PPP1R26: variants seen among roughly 807,000 people sequenced by gnomAD.
The protein encoded by PPP1R26 is protein phosphatase 1 regulatory subunit 26.
In PPP1R26, 22 loss-of-function variants were observed where a neutral mutation model predicts 67.6. That is an observed-to-expected ratio of 0.33 (90% CI 0.23 to 0.46). The LOEUF is 0.46. PPP1R26 is among the 20% of genes least tolerant of loss of function. The pLI is 1.00. For missense variants in PPP1R26, 1,602 were observed against 1,651.4 expected, an observed-to-expected ratio of 0.97 and a Z score of 0.52; for synonymous variants, 729 against 717.2, an observed-to-expected ratio of 1.02 and a Z score of -0.26.
intron 1 of PPP1R26, among the ~76,000 whole-genome samples, chr9:135,482,046 C>T (rs1025891856): frequency 1.4e-4 from 21 of 152,180 alleles, no homozygotes; most frequent in African/African-American, 5.1e-4. Context: ...GACTATTTCC[C>T]CAGGAAAACT....
rs1029751088 is a variant in PPP1R26, at chr9:135,487,749, C to A, written c.3239C>A (p.Pro1080Gln). ...AGCCTGCCCCTTGCGGGCTTCTCGC[C>A]GCTGCTGTCCACCCAGCTCTTCCAC... ...LPSLPLAGFS[P>Q]LLSTQLFHFG... The change falls in exon 4 of 4, where the codon CCG (proline) becomes CAG (glutamine). Residue 1080 changes from proline to glutamine, a missense_variant. Pro to Gln is a moderately conservative substitution (Grantham distance 76, BLOSUM62 -1). This residue lies in a region of PPP1R26 where 740 missense variants were observed against 696.3 expected (regional missense o/e 1.06). Coordinates refer to ENST00000356818, the MANE Select transcript of PPP1R26 (RefSeq NM_014811.5). The A allele has an allele frequency of 1.4e-6, 2 of 1,470,660 alleles. No individual in the cohort carries two copies. The highest frequency in any genetic ancestry group is 2.8e-5 in the South Asian group (2 of 70,926). 91.1% of individuals were successfully genotyped at this position (1,470,660 alleles called of 1,614,324 possible).
chr9:135,484,134 A>C, intron 3 of PPP1R26, 52 bp downstream of exon 3: 1 of 415,602 alleles, frequency 2.4e-6, no homozygotes. Flanking sequence ...CGGAGTGAGA[A>C]GGGAAGAGCG....
Position 135,485,131 on chromosome 9 carries a change from C to T in PPP1R26, c.621C>T (p.Asp207=), listed in dbSNP as rs1442733586. The T allele has an allele frequency of 6.2e-7, 1 of 1,612,782 alleles. No individual in the cohort carries two copies. Among genetic ancestry groups the T allele is most frequent in the Admixed American group, 1.7e-5 (1 of 60,006 alleles). ...GPGSQVGSSK[D]QGSASPVSVS... ...GCAGCCAGGTGGGATCCAGCAAGGA[C>T]CAGGGCTCCGCCTCCCCGGTCAGTG... The change falls in exon 4 of 4, where the codon GAC becomes GAT. Residue 207 remains aspartate, a synonymous_variant. Transcript: ENST00000356818. The surrounding 1 kb of genome is among the most constrained non-coding windows in gnomAD (Gnocchi z 7.2).
At position 135,485,375 on chromosome 9, in the gene PPP1R26, T is replaced by C; in HGVS notation, c.865T>C (p.Phe289Leu). 6.2e-7 allele frequency: 1 copy of C among 1,612,788 alleles called. No individual in the cohort carries two copies. The highest frequency in any genetic ancestry group is 8.5e-7 in the Non-Finnish European group (1 of 1,179,988). ...GLLGVQKEFA[F>L]RKPPRLAKMN... ...GCTGGGCGTCCAGAAGGAGTTTGCC[T>C]TCCGCAAACCTCCCCGGTTAGCGAA... Residue 289 changes from phenylalanine (F) to leucine (L), a missense_variant, in exon 4 of 4, where the codon TTC (phenylalanine) becomes CTC (leucine). Phe to Leu is a conservative substitution (Grantham distance 22). Around this residue, in one of 5 missense-constraint regions of PPP1R26, gnomAD observed 680 missense variants for 726.1 expected, o/e 0.94. Coordinates refer to ENST00000356818, the MANE Select transcript of PPP1R26 (RefSeq NM_014811.5). This position sits in a 1 kb window ranked among gnomAD's most constrained non-coding sequence, Gnocchi z 7.2.
rs1830686149 is a variant in PPP1R26 at position 135,485,479 on chromosome 9, C to A, written c.969C>A (p.Thr323=). Residue 323 remains threonine (T), a synonymous_variant, in exon 4 of 4, where the codon ACC becomes ACA. Transcript: ENST00000356818. This position sits in a 1 kb window ranked among gnomAD's most constrained non-coding sequence, Gnocchi z 7.2. ...QENEGSTKPA[T]PCRPSEAAQN... is the part of the protein sequence containing the mutation. ...ACGAGGGCAGCACGAAGCCGGCAAC[C>A]CCCTGCCGCCCTTCAGAAGCAGCAC... The A allele has an allele frequency of 1.2e-6, 2 of 1,612,940 alleles. No homozygotes were observed. The highest frequency in any genetic ancestry group is 1.1e-5 in the South Asian group (1 of 91,084).
upstream of PPP1R26, chr9:135,479,684 G>C (rs1217030958): frequency 6.9e-6 from 1 of 145,496 alleles, no homozygotes; most frequent in African/African-American, 2.5e-5. This position sits in a 1 kb window ranked among gnomAD's most constrained non-coding sequence, Gnocchi z 5.9. Context: ...GCCCAGCCAC[G>C]GGCACGGCTT....
At position 135,486,331 on chromosome 9, in the gene PPP1R26, C is replaced by T. The variant is rs781219410; in HGVS notation, c.1821C>T (p.Pro607=). The change falls in exon 4 of 4, where the codon CCC becomes CCT. Residue 607 remains proline (P), a synonymous_variant. Coordinates refer to ENST00000356818, the MANE Select transcript of PPP1R26 (RefSeq NM_014811.5). The surrounding 1 kb of genome is among the most constrained non-coding windows in gnomAD (Gnocchi z 6.2). ...GTGGCCATGTGAGGCCATCCACGCC[C>T]AAGAAAATGCAGGAGGTGGTGAAAG... The part of the protein sequence containing the change: ...RGGGHVRPST[P]KKMQEVVKDG... The T allele has an allele frequency of 5.6e-6, 9 of 1,612,894 alleles. No individual in the cohort carries two copies. Among genetic ancestry groups the T allele is most frequent in the Non-Finnish European group, 7.6e-6 (9 of 1,180,006 alleles).
intron 2 of PPP1R26, among the ~76,000 whole-genome samples, 168 bp downstream of exon 2, chr9:135,482,983 C>CTTTTTTTTTTTTTTTTTTT (rs1360229729): frequency 3.2e-5 from 4 of 125,772 alleles, no homozygotes; most frequent in East Asian, 3.3e-4. Context: ...CTTTTTCTTT[C>CTTTTTTTTTTTTTTTTTTT]TTTCTTTTTT....
At position 135,485,032 on chromosome 9, in the gene PPP1R26, G is replaced by A. The variant is rs754245371; in HGVS notation, c.522G>A (p.Pro174=). The change falls in exon 4 of 4, where the codon CCG becomes CCA. Residue 174 remains proline, a synonymous_variant. Coordinates refer to ENST00000356818, the MANE Select transcript of PPP1R26 (RefSeq NM_014811.5). The surrounding 1 kb of genome is among the most constrained non-coding windows in gnomAD (Gnocchi z 7.2). ...RAAGGGSRCK[P]EPAHGSAPTA... ...CAGGCGGAGGCAGTAGATGTAAGCCGGAACCGGCTCACGGCAGTGCCCCGA... is the reference window on the plus strand; with the variant it reads ...CAGGCGGAGGCAGTAGATGTAAGCCAGAACCGGCTCACGGCAGTGCCCCGA... The A allele has an allele frequency of 7.8e-5, 124 of 1,595,038 alleles. No homozygotes were observed. Among genetic ancestry groups the A allele is most frequent in the Non-Finnish European group, 9.5e-5 (111 of 1,171,712 alleles).
rs1830829879 is a variant in PPP1R26, at chr9:135,488,037, T to C, written c.3527T>C (p.Val1176Ala). The C allele has an allele frequency of 1.2e-6, 2 of 1,607,548 alleles. No individual in the cohort carries two copies. Among genetic ancestry groups the C allele is most frequent in the South Asian group, 2.2e-5 (2 of 90,204 alleles). Residue 1176 changes from valine to alanine, a missense_variant, in exon 4 of 4, where the codon GTC becomes GCC. Physicochemically the swap from Val to Ala is moderately conservative, Grantham distance 64. Around this residue, in one of 5 missense-constraint regions of PPP1R26, gnomAD observed 740 missense variants for 696.3 expected, o/e 1.06. Coordinates refer to ENST00000356818, the MANE Select transcript of PPP1R26 (RefSeq NM_014811.5). The part of the protein sequence containing the change: ...SILDLRYRRR[V>A]NRDDQEQDAL... Reference sequence around the variant, plus strand: ...TTAGACCTGAGGTATCGACGAAGGGTCAACAGGGATGACCAGGAGCAGGAC... The same window carrying C: ...TTAGACCTGAGGTATCGACGAAGGGCCAACAGGGATGACCAGGAGCAGGAC...
At position 135,482,983 on chromosome 9, in the gene PPP1R26, C is replaced by CTTTTTTTTTTTTTT. The variant is rs1360229729; in HGVS notation, c.-196+171_-196+172insTTTTTTTTTTTTTT. Among the ~76,000 whole-genome samples the CTTTTTTTTTTTTTT allele has an allele frequency of 1.5e-3, 183 of 125,686 alleles. 5 individuals carry two copies. The highest frequency in any genetic ancestry group is 8.5e-3 in the East Asian group (26 of 3,058). 82.5% of individuals were successfully genotyped at this position (125,686 alleles called of 152,430 possible). ...GCTCACCTTTTGTTTCTTTTTCTTT[C>CTTTTTTTTTTTTTT]TTTCTTTTTTTTTTTTTTTTTTTTG... On this transcript the variant is annotated intron_variant, in intron 2 of 3. Transcript: ENST00000356818.
chr9:135,486,126 G>A lies in PPP1R26; in HGVS notation c.1616G>A (p.Arg539Gln), dbSNP rs762678901. Residue 539 changes from arginine to glutamine, a missense_variant, in exon 4 of 4, where the codon CGG (arginine) becomes CAG (glutamine). Arg to Gln is a conservative substitution (Grantham distance 43). Around this residue, in one of 5 missense-constraint regions of PPP1R26, gnomAD observed 680 missense variants for 726.1 expected, o/e 0.94. Coordinates refer to ENST00000356818, the MANE Select transcript of PPP1R26 (RefSeq NM_014811.5). This position sits in a 1 kb window ranked among gnomAD's most constrained non-coding sequence, Gnocchi z 6.2. ...DSDDSIEQEI[R>Q]TFLALKAQSG... The stretch of plus-strand genomic sequence containing the variant: ...GATGACAGCATCGAGCAGGAAATCC[G>A]GACATTTTTGGCCCTAAAGGCGCAG... 9.3e-6 allele frequency: 15 copies of A among 1,612,782 alleles called. No individual in the cohort carries two copies. The Middle Eastern group carries it at 5.1e-4, about 54-fold the overall frequency.
In PPP1R26 at chr9:135,486,531, T is replaced by C. The variant is rs1830738806; in HGVS notation, c.2021T>C (p.Leu674Pro). 1 of 1,612,172 alleles carries C rather than the reference T, an allele frequency of 6.2e-7. No individual in the cohort carries two copies. Among genetic ancestry groups the C allele is most frequent in the African/African-American group, 1.3e-5 (1 of 74,804 alleles). ...GQGKTDEARR[L>P]DEKESSEDKS... ...GGTAAGACAGACGAGGCAAGGCGCC[T>C]AGACGAGAAAGAGAGCTCTGAAGAC... The change falls in exon 4 of 4, where the codon CTA becomes CCA. Residue 674 changes from leucine to proline, a missense_variant. Leu to Pro is a moderately conservative substitution (Grantham distance 98). Around this residue, in one of 5 missense-constraint regions of PPP1R26, gnomAD observed 680 missense variants for 726.1 expected, o/e 0.94. Transcript: ENST00000356818. The surrounding 1 kb of genome is among the most constrained non-coding windows in gnomAD (Gnocchi z 6.2).
In PPP1R26 at chr9:135,487,450, G is replaced by T. The variant is rs1373334343; in HGVS notation, c.2940G>T (p.Leu980=). Residue 980 remains leucine, a synonymous_variant, in exon 4 of 4, where the codon CTG becomes CTT. Coordinates refer to ENST00000356818, the MANE Select transcript of PPP1R26 (RefSeq NM_014811.5). ...CTGCCAAAAGTGCTTTTGGTCAGCT[G>T]CCCAGCTGTGCCACAGCGGGCACCG... ...EPAAKSAFGQ[L]PSCATAGTEA... 6.2e-7 allele frequency: 1 copy of T among 1,610,306 alleles called. No homozygotes were observed. The highest frequency in any genetic ancestry group is 1.1e-5 in the South Asian group (1 of 90,932).
rs1475518070 is a variant in PPP1R26 at position 135,486,831 on chromosome 9, G to A, written c.2321G>A (p.Gly774Asp). 4 of 1,610,464 alleles carry A rather than the reference G, an allele frequency of 2.5e-6. No homozygotes were observed. The highest frequency in any genetic ancestry group is 1.3e-5 in the African/African-American group (1 of 75,028). The part of the protein sequence containing the change: ...GPGKKPPSVF[G>D]STAERMRQEG... The stretch of plus-strand genomic sequence containing the variant: ...GGGAAGAAACCCCCCAGTGTCTTTG[G>A]CAGCACGGCAGAGAGGATGAGGCAG... Residue 774 changes from glycine (G) to aspartate (D), a missense_variant, in exon 4 of 4, where the codon GGC (glycine) becomes GAC (aspartate). Gly to Asp is a moderately conservative substitution (Grantham distance 94). Transcript: ENST00000356818. This position sits in a 1 kb window ranked among gnomAD's most constrained non-coding sequence, Gnocchi z 6.2.
Position 135,485,065 on chromosome 9 carries a change from G to T in PPP1R26, c.555G>T (p.Leu185=). ...CTCACGGCAGTGCCCCGACTGCCCTGTGTCCCCCAAAACTTGTACCTGGAT... is the reference window on the plus strand; with the variant it reads ...CTCACGGCAGTGCCCCGACTGCCCTTTGTCCCCCAAAACTTGTACCTGGAT... ...EPAHGSAPTA[L]CPPKLVPGSG... The change falls in exon 4 of 4, where the codon CTG becomes CTT. Residue 185 remains leucine (L), a synonymous_variant. Coordinates refer to ENST00000356818, the MANE Select transcript of PPP1R26 (RefSeq NM_014811.5). This position sits in a 1 kb window ranked among gnomAD's most constrained non-coding sequence, Gnocchi z 7.2. The T allele has an allele frequency of 6.2e-7, 1 of 1,608,992 alleles. No individual in the cohort carries two copies.
Position 135,485,245 on chromosome 9 carries a change from T to G in PPP1R26, c.735T>G (p.Cys245Trp). ...AGAGACAGCATGAGACCCAAAAATG[T>G]GATGGGTCAGTGGAGAAGAAACCAG... The part of the protein sequence containing the change: ...NEKRQHETQK[C>W]DGSVEKKPDT... Residue 245 changes from cysteine (C) to tryptophan (W), a missense_variant, in exon 4 of 4, where the codon TGT becomes TGG. By Grantham distance (215) the Cys-to-Trp change is radical. Coordinates refer to ENST00000356818, the MANE Select transcript of PPP1R26 (RefSeq NM_014811.5). The surrounding 1 kb of genome is among the most constrained non-coding windows in gnomAD (Gnocchi z 7.2). 6.2e-7 allele frequency: 1 copy of G among 1,612,764 alleles called. No individual in the cohort carries two copies. The highest frequency in any genetic ancestry group is 8.5e-7 in the Non-Finnish European group (1 of 1,179,910).
rs562555348 is a variant in PPP1R26 at position 135,481,682 on chromosome 9, G to A, written c.-328-1001G>A. ...CTCCTAGGCTGGAGTGCAGTGGCGC[G>A]ATCTCGGCTCACTGCAACCTCTGCC... is the stretch of plus-strand genomic sequence containing the variant. On this transcript the variant is annotated intron_variant, in intron 1 of 3. Transcript: ENST00000356818. Among the ~76,000 whole-genome samples, 15 of 151,954 alleles carry A rather than the reference G, an allele frequency of 9.9e-5. No individual in the cohort carries two copies. In the East Asian group the frequency reaches 2.5e-3, roughly 25 times the overall value.
Position 135,487,166 on chromosome 9 carries a change from C to T in PPP1R26, c.2656C>T (p.Pro886Ser), listed in dbSNP as rs753071811. The part of the protein sequence containing the change: ...VLCRKEPAPP[P>S]GVCTRSQRAR... The stretch of plus-strand genomic sequence containing the variant: ...GTGCAGGAAGGAGCCTGCCCCACCG[C>T]CTGGCGTGTGCACACGCAGCCAGAG... The change falls in exon 4 of 4, where the codon CCT becomes TCT. Residue 886 changes from proline (P) to serine (S), a missense_variant. Physicochemically the swap from Pro to Ser is moderately conservative, Grantham distance 74. Transcript: ENST00000356818. 1 of 1,609,930 alleles carries T rather than the reference C, an allele frequency of 6.2e-7. No homozygotes were observed. Among genetic ancestry groups the T allele is most frequent in the South Asian group, 1.1e-5 (1 of 90,866 alleles).
Sources: gnomAD v4.1 joint callset for allele counts (sites outside exome capture counted in the v4.1 genomes callset) on GRCh38, gnomAD v4.1.1 for gene constraint, gnomAD v4.1.1 regional missense constraint, Gnocchi (gnomAD v3.1) non-coding constraint, MANE v1.5 for transcripts, NCBI Gene and HGNC (gene_info 2026-07-23, HGNC 2026-07-21) for gene names.